The following CNTD1 variants were observed in gnomAD, a reference collection of about 807,000 sequenced individuals.
CNTD1 encodes the protein cyclin N-terminal domain containing 1, also known as cyclin N-terminal domain-containing protein 1.
CNTD1 carries 17 observed loss-of-function variants against 36.3 expected under a neutral mutation model. The observed-to-expected ratio is 0.47, with a 90% CI of 0.32 to 0.70. The LOEUF is 0.70. Among genes scored for constraint, CNTD1 ranks in the 30% least tolerant of loss-of-function variants. CNTD1 has a pLI of 0.03. For synonymous variants in CNTD1, 128 were observed against 153.3 expected (o/e 0.83, Z 1.22); for missense variants, 338 against 386.1 (o/e 0.88, Z 1.04).
chr17:42,811,042 G>T lies in CNTD1; in HGVS notation c.*1507G>T. On this transcript the variant is annotated 3_prime_UTR_variant, in exon 7 of 7. Coordinates refer to ENST00000588408, the MANE Select transcript of CNTD1 (RefSeq NM_173478.3). ...TCATTTTATCTATTAAAGAACACTT[G>T]GTGAGGAATGATAGTGTATTTTGGA... 9.0e-7 allele frequency: 1 copy of T among 1,106,008 alleles called. No individual in the cohort carries two copies. The allele number at this position is 1,106,008 out of a possible 1,614,324, so 68.5% of individuals were successfully genotyped here. A position where few individuals can be genotyped will look rare whatever the true frequency, so the allele number is the denominator to read the frequency against.
At chr17:42,807,493 T>C (rs1045395285) in intron 5 of CNTD1, among the ~76,000 whole-genome samples, 12 of 151,998 alleles carry the variant, frequency 7.9e-5, no homozygotes, top group African/African-American at 2.4e-4. Flanking sequence ...AAAGTCAGAC[T>C]GGTTAAAAGC....
Position 42,803,701 on chromosome 17 carries a change from GC to G in CNTD1, c.245+9del. 6.2e-7 allele frequency: 1 copy of G among 1,611,690 alleles called. No individual in the cohort carries two copies. The highest frequency in any genetic ancestry group is 1.1e-5 in the South Asian group (1 of 90,948). On this transcript the variant is annotated splice_region_variant and intron_variant, in intron 2 of 6. Transcript: ENST00000588408. ...GCTGTAGAAATCCTAGAAAGGTAAA[GC>G]CCTGGCATAATGCCTTTTGAACGGC...
At chr17:42,800,716 A>G (rs75148838) in intron 1 of CNTD1, among the ~76,000 whole-genome samples, 1 of 152,308 alleles carries the variant, frequency 6.6e-6, no homozygotes, top group Non-Finnish European at 1.5e-5. Context: ...GGTAGAGTCA[A>G]TGTCAGTAGG....
chr17:42,807,655 A>G, intron 5 of CNTD1, 113 bp from the exon 6 acceptor site: 1 of 778,478 alleles, frequency 1.3e-6, no homozygotes, highest in South Asian at 1.7e-5. Context: ...TCCATGTCTA[A>G]AAAATCCAAG....
intron 1 of CNTD1, among the ~76,000 whole-genome samples, chr17:42,801,779 G>C (rs1280467982): frequency 6.6e-6 from 1 of 151,790 alleles, no homozygotes; most frequent in Non-Finnish European, 1.5e-5. Context: ...AAGAAAAGCA[G>C]GTCAAGGACA....
In CNTD1 at chr17:42,808,747, AAAC is replaced by A. The variant is rs535793124; in HGVS notation, c.823-603_823-601del. On this transcript the variant is annotated intron_variant, in intron 6 of 6. Transcript: ENST00000588408. ...AAACCCTGTCTCAAACAAACAAACAAAACAACAACAACAACAAAGGCCAGGCAG... is the reference window on the plus strand; with the variant it reads ...AAACCCTGTCTCAAACAAACAAACAAAACAACAACAACAAAGGCCAGGCAG... Among the ~76,000 whole-genome samples the A allele has an allele frequency of 5.8e-3, 874 of 149,572 alleles. 10 individuals carry two copies. The highest frequency in any genetic ancestry group is 6.1e-3 in the Non-Finnish European group (411 of 67,364).
Position 42,810,518 on chromosome 17 carries a change from G to GA in CNTD1, c.*986dup. On this transcript the variant is annotated 3_prime_UTR_variant, in exon 7 of 7. Transcript: ENST00000588408. Reference sequence around the variant, plus strand: ...ATTAGTTTTTTTCAGAGAAGAAAGGGAAAGGAGTCCATGGGGTTAAGAATC... The same window carrying GA: ...ATTAGTTTTTTTCAGAGAAGAAAGGGAAAAGGAGTCCATGGGGTTAAGAATC... 1 of 338,534 alleles carries GA rather than the reference G, an allele frequency of 3.0e-6. No individual in the cohort carries two copies. Among genetic ancestry groups the GA allele is most frequent in the East Asian group, 4.7e-5 (1 of 21,392 alleles). The allele number at this position is 338,534 out of a possible 1,614,324, so 21.0% of individuals were successfully genotyped here.
Position 42,810,850 on chromosome 17 carries a change from A to G in CNTD1, c.*1315A>G. The G allele has an allele frequency of 6.2e-7, 1 of 1,613,728 alleles. No individual in the cohort carries two copies. The highest frequency in any genetic ancestry group is 8.5e-7 in the Non-Finnish European group (1 of 1,179,810). On this transcript the variant is annotated 3_prime_UTR_variant, in exon 7 of 7. Coordinates refer to ENST00000588408, the MANE Select transcript of CNTD1 (RefSeq NM_173478.3). ...TGAGAGCTTTTGTCCACTGCTCCTC[A>G]GAGTTAAACTGGGTTTTGATGGAAT... is the stretch of plus-strand genomic sequence containing the variant.
chr17:42,808,226 A>C (rs766379146), intron 6 of CNTD1, among the ~76,000 whole-genome samples: 1 of 151,994 alleles, frequency 6.6e-6, no homozygotes, highest in East Asian at 1.9e-4. Flanking sequence ...CCTGGTCAAC[A>C]CAGCAAGACC....
In CNTD1 at chr17:42,811,526, T is replaced by A; in HGVS notation, c.*1991T>A. On this transcript the variant is annotated 3_prime_UTR_variant, in exon 7 of 7. Transcript: ENST00000588408. ...TACTGGGTCAGTCTCTGCCCATCAA[T>A]GTCATGTGATTCTGTGCCATTTTTT... The A allele has an allele frequency of 8.3e-7, 1 of 1,209,696 alleles. No individual in the cohort carries two copies. The highest frequency in any genetic ancestry group is 1.2e-6 in the Non-Finnish European group (1 of 859,012). The allele number at this position is 1,209,696 out of a possible 1,614,324, so 74.9% of individuals were successfully genotyped here. A position where few individuals can be genotyped will look rare whatever the true frequency, so the allele number is the denominator to read the frequency against.
chr17:42,807,197 C>T (rs1472965532), intron 5 of CNTD1, among the ~76,000 whole-genome samples: 4 of 151,946 alleles, frequency 2.6e-5, no homozygotes, highest in African/African-American at 4.8e-5. Context: ...GGGCAGATCA[C>T]GAGGTCAGGA....
chr17:42,804,190 G>A (rs777543071), intron 2 of CNTD1, 35 bp from the exon 3 acceptor site: 2 of 1,584,622 alleles, frequency 1.3e-6, no homozygotes, highest in Non-Finnish European at 8.6e-7. Flanking sequence ...GTTTGTGTGA[G>A]TGAGGATTGT....
At chr17:42,803,873 G>A (rs547081178) in intron 2 of CNTD1, among the ~76,000 whole-genome samples, 178 bp downstream of exon 2, 67 of 152,268 alleles carry the variant, frequency 4.4e-4, no homozygotes, top group Middle Eastern at 3.4e-3. Flanking sequence ...GTCTTGCTCT[G>A]TCACCCAGGC....
At chr17:42,801,216 AC>A (rs1352244426) in intron 1 of CNTD1, among the ~76,000 whole-genome samples, 10 of 151,036 alleles carry the variant, frequency 6.6e-5, no homozygotes, top group African/African-American at 1.9e-4. Flanking sequence ...ACAAAAAAAA[AC>A]AACACAAAAA....
At chr17:42,807,665 G>A (rs2054903136) in intron 5 of CNTD1, 103 bp from the exon 6 acceptor site, 2 of 840,802 alleles carry the variant, frequency 2.4e-6, no homozygotes, top group South Asian at 3.1e-5. Context: ...AAAAATCCAA[G>A]ATGATCGACA....
chr17:42,799,167 C>G lies in CNTD1; in HGVS notation c.100C>G (p.Gln34Glu). 1.9e-6 allele frequency: 3 copies of G among 1,614,072 alleles called. No individual in the cohort carries two copies. The African/African-American group carries it at 4.0e-5, about 22-fold the overall frequency. The change falls in exon 1 of 7, where the codon CAG (glutamine) becomes GAG (glutamate). Residue 34 changes from glutamine to glutamate, a missense_variant. Coordinates refer to ENST00000588408, the MANE Select transcript of CNTD1 (RefSeq NM_173478.3). Reference sequence around the variant, plus strand: ...TGAAGACGCCCTGCTTCACTTGGCCCAGCAGAATGAGCAAGCAGTGAGGGA... The same window carrying G: ...TGAAGACGCCCTGCTTCACTTGGCCGAGCAGAATGAGCAAGCAGTGAGGGA... ...TIEDALLHLA[Q>E]QNEQAVREAS...
At position 42,807,593 on chromosome 17, in the gene CNTD1, G is replaced by A. The variant is rs559478829; in HGVS notation, c.726-175G>A. Among the ~76,000 whole-genome samples, 5 of 152,338 alleles carry A rather than the reference G, an allele frequency of 3.3e-5. No homozygotes were observed. The South Asian group carries it at 1.0e-3, about 32-fold the overall frequency. ...TAAGGCTCATGTTAATCCCAGTTAA[G>A]TTGGGGGAGAATGGGAGAGCAGGTC... is the stretch of plus-strand genomic sequence containing the variant. On this transcript the variant is annotated intron_variant, in intron 5 of 6. Transcript: ENST00000588408.
chr17:42,809,607 A>G lies in CNTD1; in HGVS notation c.*72A>G. ...CATGCCTCCCTCTGTTTACTTTCAT[A>G]CTAAGGGTACAAAAATTCCAAGTCT... On this transcript the variant is annotated 3_prime_UTR_variant, in exon 7 of 7. Coordinates refer to ENST00000588408, the MANE Select transcript of CNTD1 (RefSeq NM_173478.3). 1.5e-6 allele frequency: 2 copies of G among 1,366,224 alleles called. No individual in the cohort carries two copies. Among genetic ancestry groups the G allele is most frequent in the Non-Finnish European group, 2.0e-6 (2 of 983,432 alleles). 84.6% of individuals were successfully genotyped at this position (1,366,224 alleles called of 1,614,324 possible). A position where few individuals can be genotyped will look rare whatever the true frequency, so the allele number is the denominator to read the frequency against.
intron 1 of CNTD1, among the ~76,000 whole-genome samples, chr17:42,802,464 A>G (rs945566931): frequency 1.3e-5 from 2 of 152,200 alleles, no homozygotes; most frequent in Admixed American, 6.5e-5. Flanking sequence ...ACAACTGCAC[A>G]CATACACAAA....
Sources: allele counts gnomAD v4.1 joint callset (sites outside exome capture counted in the v4.1 genomes callset), GRCh38; gene constraint gnomAD v4.1.1; transcripts MANE v1.5; gene names NCBI Gene and HGNC (gene_info 2026-07-23, HGNC 2026-07-21).